Variants in MLXIPL observed in about 807,000 individuals in gnomAD.
MLXIPL encodes MLX interacting protein like, also known as carbohydrate-responsive element-binding protein.
A neutral mutation model predicts 81.5 loss-of-function variants in MLXIPL; 49 were observed. That is an observed-to-expected ratio of 0.60 (90% confidence interval 0.48 to 0.76). MLXIPL has a LOEUF of 0.76. MLXIPL is among the 30% of genes least tolerant of loss of function. The probability of loss-of-function intolerance (pLI) is 0.00; values close to 1 mark genes in which losing one functional copy is unlikely to be tolerated. For synonymous variants in MLXIPL, 466 were observed against 485.5 expected (o/e 0.96, Z 0.53); for missense variants, 1,053 against 1,167.0 (o/e 0.90, Z 1.42).
In MLXIPL at chr7:73,597,564, C is replaced by T. The variant is rs1554594751; in HGVS notation, c.1221G>A (p.Leu407=). ...HYPPPAKVPG[L]EPCPPPPFPP... ...GGAAGGGAGGTGGGGGGCAGGGCTC[C>T]AGGCCTGGCACCTTGGCAGGGGGAG... The change falls in exon 9 of 17, where the codon CTG becomes CTA. Residue 407 remains leucine, a synonymous_variant. Transcript: ENST00000313375. 1.1e-5 allele frequency: 14 copies of T among 1,307,838 alleles called. No homozygotes were observed. The highest frequency in any genetic ancestry group is 1.4e-5 in the Non-Finnish European group (14 of 1,031,604). The allele number at this position is 1,307,838 out of a possible 1,614,324, so 81.0% of individuals were successfully genotyped here.
chr7:73,625,828 CAG>C (rs1796710566), upstream of MLXIPL, among the ~76,000 whole-genome samples: 1 of 152,070 alleles, frequency 6.6e-6, no homozygotes, highest in African/African-American at 2.4e-5. Context: ...TTCACCTGCA[CAG>C]AGAGGCCCAA....
intron 5 of MLXIPL, 134 bp from the exon 6 acceptor site, chr7:73,606,245 T>C (rs1795273224): frequency 1.2e-5 from 11 of 926,198 alleles, no homozygotes; most frequent in Non-Finnish European, 1.3e-5. Context: ...CTTTCCCTAG[T>C]GGACCTAGCT....
chr7:73,625,483 G>A (rs1189444142), upstream of MLXIPL, among the ~76,000 whole-genome samples: 3 of 152,104 alleles, frequency 2.0e-5, no homozygotes, highest in South Asian at 2.1e-4. Flanking sequence ...GTGGCCGGGC[G>A]CGGTGGCTCT....
chr7:73,635,356 G>C, the MLXIPL span, among the ~76,000 whole-genome samples: 1 of 152,100 alleles, frequency 6.6e-6, no homozygotes, highest in African/African-American at 2.4e-5. Flanking sequence ...TGAGTATCTA[G>C]TCATCCGTCC....
At chr7:73,615,922 A>T (rs1326526169) in intron 2 of MLXIPL, 149 bp downstream of exon 2, 7 of 647,010 alleles carry the variant, frequency 1.1e-5, no homozygotes, top group Non-Finnish European at 1.9e-5. Flanking sequence ...CAAAAAAAAA[A>T]AAAAAAAAAA....
At position 73,596,107 on chromosome 7, in the gene MLXIPL, A is replaced by G. The variant is rs1554593655; in HGVS notation, c.2058+46T>C. On this transcript the variant is annotated intron_variant, in intron 13 of 16. Coordinates refer to ENST00000313375, the MANE Select transcript of MLXIPL (RefSeq NM_032951.3). This position sits in a 1 kb window ranked among gnomAD's most constrained non-coding sequence, Gnocchi z 4.7. ...AGTTTTGGGTGGGGGGGGTCCAGAA[A>G]GGGGCCCTGTGGTTTTGGGGGTGCC... is the stretch of plus-strand genomic sequence containing the variant. The G allele has an allele frequency of 1.2e-6, 2 of 1,604,868 alleles. No homozygotes were observed. The highest frequency in any genetic ancestry group is 2.7e-5 in the African/African-American group (2 of 74,768).
chr7:73,607,714 T>TC, intron 2 of MLXIPL, 42 bp from the exon 3 acceptor site: 1 of 1,563,322 alleles, frequency 6.4e-7, no homozygotes, highest in South Asian at 1.1e-5. Flanking sequence ...AGCTTCCTCA[T>TC]CCCCCACCTC....
At chr7:73,635,057 T>C in the MLXIPL span, among the ~76,000 whole-genome samples, 42,335 of 150,488 alleles carry the variant, frequency 0.28, 6,179 homozygotes, top group African/African-American at 0.34. Flanking sequence ...AACTCCTGAC[T>C]TCAAGTGATC....
rs1554597936 is a variant in MLXIPL, at chr7:73,605,993, T to C, written c.737A>G (p.Asn246Ser). The change falls in exon 6 of 17, where the codon AAT (asparagine) becomes AGT (serine). Residue 246 changes from asparagine (N) to serine (S), a missense_variant. Asn to Ser is a conservative substitution (Grantham distance 46). Transcript: ENST00000313375. ...EPGGRQLLDL[N>S]CFLSDISDTL... ...GTCTGAGATGTCGGACAAAAAGCAA[T>C]TGAGGTCCAGGAGCTGCCGCCCACC... The C allele has an allele frequency of 6.3e-7, 1 of 1,591,386 alleles. No individual in the cohort carries two copies. Among genetic ancestry groups the C allele is most frequent in the Non-Finnish European group, 8.6e-7 (1 of 1,168,848 alleles).
chr7:73,639,756 T>C, the MLXIPL span, among the ~76,000 whole-genome samples: 1 of 152,180 alleles, frequency 6.6e-6, no homozygotes, highest in Non-Finnish European at 1.5e-5. Flanking sequence ...GATGCAATGC[T>C]AATTTAAAAA....
rs782047667 is a variant in MLXIPL at position 73,596,271 on chromosome 7, G to A, written c.1940C>T (p.Thr647Ile). The change falls in exon 13 of 17, where the codon ACC becomes ATC. Residue 647 changes from threonine (T) to isoleucine (I), a missense_variant and splice_region_variant. Physicochemically the swap from Thr to Ile is moderately conservative, Grantham distance 89. This residue lies in a region of MLXIPL where 823 missense variants were observed against 933.0 expected (regional missense o/e 0.88). Transcript: ENST00000313375. The surrounding 1 kb of genome is among the most constrained non-coding windows in gnomAD (Gnocchi z 4.7). ...LSRGRPDSNKTENRRITHISA... is the reference protein window; with the variant it reads ...LSRGRPDSNKIENRRITHISA... ...GATGTGTGTGATACGCCGGTTCTCG[G>A]TCTCGGGGAGCAGAGAGTTGGGTGA... The A allele has an allele frequency of 6.2e-7, 1 of 1,613,230 alleles. No individual in the cohort carries two copies. The highest frequency in any genetic ancestry group is 1.1e-5 in the South Asian group (1 of 91,052).
the MLXIPL span, among the ~76,000 whole-genome samples, chr7:73,644,850 A>G: frequency 6.6e-6 from 1 of 152,300 alleles, no homozygotes; most frequent in South Asian, 2.1e-4. Context: ...CCTGCTGGAT[A>G]ACTGGCCCCA....
chr7:73,622,393 G>A (rs1554602476), intron 1 of MLXIPL, among the ~76,000 whole-genome samples: 1 of 151,944 alleles, frequency 6.6e-6, no homozygotes, highest in African/African-American at 2.4e-5. Flanking sequence ...GGAGGCTGAG[G>A]CAGGAGATTC....
Position 73,595,938 on chromosome 7 carries a change from G to A in MLXIPL, c.2090C>T (p.Ala697Val). Residue 697 changes from alanine (A) to valine (V), a missense_variant, in exon 14 of 17, where the codon GCT becomes GTT. Physicochemically the swap from Ala to Val is moderately conservative, Grantham distance 64. Around this residue, in one of 3 missense-constraint regions of MLXIPL, gnomAD observed 823 missense variants for 933.0 expected, o/e 0.88. Coordinates refer to ENST00000313375, the MANE Select transcript of MLXIPL (RefSeq NM_032951.3). ...CTGCTGTAGCATAAGGATGTACTCA[G>A]CTGTCTTCTGCAGCGTGGTAGCTTT... ...VSKATTLQKT[A>V]EYILMLQQER... 6.2e-7 allele frequency: 1 copy of A among 1,613,168 alleles called. No individual in the cohort carries two copies.
At chr7:73,624,926 TG>T (rs1209757770), upstream of MLXIPL, among the ~76,000 whole-genome samples, 4 of 151,926 alleles carry the variant, frequency 2.6e-5, no homozygotes, top group Non-Finnish European at 5.9e-5. Context: ...CCGGACATAG[TG>T]GAGAAAGCCT....
intron 1 of MLXIPL, among the ~76,000 whole-genome samples, chr7:73,621,334 C>G (rs1391351264): frequency 6.6e-6 from 1 of 151,466 alleles, no homozygotes; most frequent in Non-Finnish European, 1.5e-5. Context: ...AAGACGGCCT[C>G]CTCGATCCTC....
the MLXIPL span, among the ~76,000 whole-genome samples, chr7:73,637,799 G>A: frequency 6.6e-6 from 1 of 152,200 alleles, no homozygotes; most frequent in African/African-American, 2.4e-5. Context: ...GAGGAAGAGA[G>A]AAGTACCTGG....
the MLXIPL span, among the ~76,000 whole-genome samples, chr7:73,640,789 A>AG: frequency 6.6e-6 from 1 of 151,964 alleles, no homozygotes; most frequent in South Asian, 2.1e-4. Flanking sequence ...AAAAAAAAAA[A>AG]AAAAAGGAGA....
At chr7:73,607,488 C>T in intron 3 of MLXIPL, 68 bp from the exon 4 acceptor site, 1 of 1,534,792 alleles carries the variant, frequency 6.5e-7, no homozygotes, top group South Asian at 1.2e-5. Context: ...TCCCACCCTT[C>T]ACCCCATCCC....
Sources: gnomAD v4.1 joint callset for allele counts (sites outside exome capture counted in the v4.1 genomes callset) on GRCh38, gnomAD v4.1.1 for gene constraint, gnomAD v4.1.1 regional missense constraint, Gnocchi (gnomAD v3.1) non-coding constraint, MANE v1.5 for transcripts, NCBI Gene and HGNC (gene_info 2026-07-23, HGNC 2026-07-21) for gene names.